Variants in SLC45A4 observed in about 807,000 individuals in gnomAD.
SLC45A4 encodes polyamine-transporter SLC45A4.
SLC45A4 carries 32 observed loss-of-function variants against 63.7 expected under a neutral mutation model. That is an observed-to-expected ratio of 0.50 (90% CI 0.38 to 0.67). The LOEUF (loss-of-function observed/expected upper bound fraction) is 0.67. Ranked by LOEUF, SLC45A4 falls within the 30% of genes least tolerant of loss-of-function variation. The pLI is 0.00. For synonymous variants in SLC45A4, 535 were observed against 510.0 expected (o/e 1.05, Z -0.66); for missense variants, 1,027 against 1,157.7 (o/e 0.89, Z 1.64).
In SLC45A4 at chr8:141,215,727, G is replaced by C. The variant is rs1826101938; in HGVS notation, c.1941+32C>G. 6.2e-7 allele frequency: 1 copy of C among 1,606,096 alleles called. No individual in the cohort carries two copies. The highest frequency in any genetic ancestry group is 8.5e-7 in the Non-Finnish European group (1 of 1,177,346). ...TGGAGGGAAGGCACTCAGGAGGCTG[G>C]AGCGCAGATCTCAGGGCTACGGTGG... is the stretch of plus-strand genomic sequence containing the variant. On this transcript the variant is annotated intron_variant, in intron 7 of 8. Transcript: ENST00000517878. The surrounding 1 kb of genome is among the most constrained non-coding windows in gnomAD (Gnocchi z 4.3).
chr8:141,293,153 C>A (rs1830419748), intron 1 of SLC45A4, among the ~76,000 whole-genome samples: 1 of 152,196 alleles, frequency 6.6e-6, no homozygotes, highest in Non-Finnish European at 1.5e-5. Flanking sequence ...CTCAAGCCCA[C>A]AAAGTGAAAA....
At chr8:141,298,996 C>A (rs1036885938) in intron 1 of SLC45A4, among the ~76,000 whole-genome samples, 1 of 152,028 alleles carries the variant, frequency 6.6e-6, no homozygotes, top group African/African-American at 2.4e-5. Flanking sequence ...CTCACCAGTG[C>A]CCCCACCAGG....
intron 2 of SLC45A4, among the ~76,000 whole-genome samples, chr8:141,231,680 G>A (rs926296617): frequency 6.6e-6 from 1 of 152,174 alleles, no homozygotes. Context: ...GGGACCATGG[G>A]GGACCCTCCC....
intron 2 of SLC45A4, among the ~76,000 whole-genome samples, chr8:141,242,881 C>T (rs375840437): frequency 7.9e-5 from 12 of 152,318 alleles, no homozygotes; most frequent in East Asian, 1.9e-4. Context: ...TCCCAGGCCA[C>T]GCAATGTGGT....
At chr8:141,237,508 T>C (rs932568303) in intron 2 of SLC45A4, among the ~76,000 whole-genome samples, 2 of 152,196 alleles carry the variant, frequency 1.3e-5, no homozygotes, top group Non-Finnish European at 2.9e-5. Flanking sequence ...CCCTCTGCCC[T>C]GTTCCCCTGT....
chr8:141,273,923 T>C (rs944122544), intron 1 of SLC45A4, among the ~76,000 whole-genome samples: 3 of 152,256 alleles, frequency 2.0e-5, no homozygotes, highest in Non-Finnish European at 2.9e-5. Flanking sequence ...ATGTCAAAGC[T>C]TGTCTTTAAA....
Position 141,221,080 on chromosome 8 carries a change from A to G in SLC45A4, c.430+497T>C, listed in dbSNP as rs373252525. 3.3e-5 allele frequency among the ~76,000 whole-genome samples: 5 copies of G among 152,282 alleles called. No individual in the cohort carries two copies. In the East Asian group the frequency reaches 7.7e-4, roughly 23 times the overall value. ...CAAGTTCCTCTAGTTCAGAACACAG[A>G]TTAAGCTCCTCTGTCTCAAAAAGTT... is the stretch of plus-strand genomic sequence containing the variant. On this transcript the variant is annotated intron_variant, in intron 3 of 8. Coordinates refer to ENST00000517878, the MANE Select transcript of SLC45A4 (RefSeq NM_001286646.2).
chr8:141,223,862 G>C (rs1348472243), intron 2 of SLC45A4, among the ~76,000 whole-genome samples: 3 of 152,178 alleles, frequency 2.0e-5, no homozygotes, highest in African/African-American at 4.8e-5. Flanking sequence ...CACCAGATGG[G>C]ACCTGTGACC....
At chr8:141,260,258 T>C (rs1046016919) in intron 1 of SLC45A4, among the ~76,000 whole-genome samples, 32 of 152,252 alleles carry the variant, frequency 2.1e-4, no homozygotes, top group African/African-American at 6.8e-4. Flanking sequence ...CATACCTTCA[T>C]GAACTTATCC....
Position 141,210,213 on chromosome 8 carries a change from G to C in SLC45A4, c.*1359C>G, listed in dbSNP as rs1373441071. 6.6e-6 allele frequency: 1 copy of C among 152,352 alleles called. No individual in the cohort carries two copies. The highest frequency in any genetic ancestry group is 6.5e-5 in the Admixed American group (1 of 15,296). 9.4% of individuals were successfully genotyped at this position (152,352 alleles called of 1,614,324 possible). ...AGCCGCTAGAGGATCAAGTTGCATAGAGTGAGCTGCCACGGACGCCCGGCC... is the reference window on the plus strand; with the variant it reads ...AGCCGCTAGAGGATCAAGTTGCATACAGTGAGCTGCCACGGACGCCCGGCC... On this transcript the variant is annotated 3_prime_UTR_variant, in exon 9 of 9. Coordinates refer to ENST00000517878, the MANE Select transcript of SLC45A4 (RefSeq NM_001286646.2).
chr8:141,265,679 TC>T (rs1829238140), intron 1 of SLC45A4, among the ~76,000 whole-genome samples: 1 of 152,186 alleles, frequency 6.6e-6, no homozygotes, highest in Non-Finnish European at 1.5e-5. Flanking sequence ...GCACAGGCAA[TC>T]CTGTACCCCT....
intron 1 of SLC45A4, among the ~76,000 whole-genome samples, chr8:141,296,327 C>T (rs939302323): frequency 6.6e-6 from 1 of 150,964 alleles, no homozygotes; most frequent in African/African-American, 2.4e-5. Context: ...AGAGTGAGAC[C>T]CTGTTTCAAA....
At chr8:141,233,773 T>C (rs1358748371) in intron 2 of SLC45A4, among the ~76,000 whole-genome samples, 1 of 152,224 alleles carries the variant, frequency 6.6e-6, no homozygotes, top group East Asian at 1.9e-4. Context: ...GGCAGGCCCC[T>C]GGGAAACGGC....
At chr8:141,248,011 AC>A (rs1173309284) in intron 2 of SLC45A4, among the ~76,000 whole-genome samples, 1 of 152,148 alleles carries the variant, frequency 6.6e-6, no homozygotes, top group Non-Finnish European at 1.5e-5. Flanking sequence ...TGGATCACAG[AC>A]CTAGGTGAGA....
chr8:141,295,718 T>C (rs1830522968), intron 1 of SLC45A4, among the ~76,000 whole-genome samples: 1 of 152,140 alleles, frequency 6.6e-6, no homozygotes. Context: ...CCAACATCAG[T>C]CTGAAAGGTC....
At chr8:141,285,374 T>C (rs1031774899) in intron 1 of SLC45A4, among the ~76,000 whole-genome samples, 28 of 152,260 alleles carry the variant, frequency 1.8e-4, no homozygotes, top group Non-Finnish European at 5.9e-5. Context: ...GGTTCCCCCG[T>C]GTGCTCCCCA....
At chr8:141,293,582 A>AG (rs1830434767) in intron 1 of SLC45A4, among the ~76,000 whole-genome samples, 1 of 152,226 alleles carries the variant, frequency 6.6e-6, no homozygotes. Context: ...TGTTGGGACA[A>AG]GGGGGAAGGC....
intron 2 of SLC45A4, among the ~76,000 whole-genome samples, chr8:141,239,503 G>C (rs996157360): frequency 2.0e-5 from 3 of 151,972 alleles, no homozygotes; most frequent in African/African-American, 7.3e-5. Context: ...TCCTGCAGAA[G>C]GAAAGTAACC....
chr8:141,262,540 A>C (rs548966336), intron 1 of SLC45A4, among the ~76,000 whole-genome samples: 41 of 152,048 alleles, frequency 2.7e-4, no homozygotes, highest in African/African-American at 9.4e-4. Flanking sequence ...CAACCCCATC[A>C]AAAAGTGGGT....
Sources: allele counts gnomAD v4.1 joint callset (sites outside exome capture counted in the v4.1 genomes callset), GRCh38; gene constraint gnomAD v4.1.1; non-coding constraint Gnocchi (gnomAD v3.1); transcripts MANE v1.5; gene names NCBI Gene and HGNC (gene_info 2026-07-23, HGNC 2026-07-21).